The following ENPP6 variants were observed in gnomAD, a reference collection of about 807,000 sequenced individuals.
The protein encoded by ENPP6 is glycerophosphocholine cholinephosphodiesterase ENPP6.
In ENPP6, 32 loss-of-function variants were observed where a neutral mutation model predicts 42.0. The ratio of observed to expected loss-of-function variants is 0.76; its 90% CI spans 0.58 to 1.02. The LOEUF is 1.02. Among genes scored for constraint, ENPP6 ranks in the 50% least tolerant of loss-of-function variants. The pLI is 0.00. For synonymous variants in ENPP6, 213 were observed against 216.0 expected (o/e 0.99, Z 0.12); for missense variants, 552 against 566.8 (o/e 0.97, Z 0.27).
intron 1 of ENPP6, among the ~76,000 whole-genome samples, chr4:184,215,171 C>T (rs1733178133): frequency 6.6e-6 from 1 of 152,166 alleles, no homozygotes. Context: ...CTCATCACTC[C>T]TCGTTATGCA....
intron 1 of ENPP6, among the ~76,000 whole-genome samples, chr4:184,189,359 T>C (rs756316707): frequency 4.6e-5 from 7 of 152,208 alleles, no homozygotes; most frequent in Non-Finnish European, 1.0e-4. Context: ...CTGGCCTAGA[T>C]TTCTAACCCC....
intron 2 of ENPP6, among the ~76,000 whole-genome samples, chr4:184,144,007 A>G (rs1330091467): frequency 1.3e-5 from 2 of 152,218 alleles, no homozygotes; most frequent in Admixed American, 6.5e-5. Context: ...TGGATCAGAC[A>G]GCCAAGGGCC....
intron 5 of ENPP6, 24 bp from the exon 6 acceptor site, chr4:184,112,833 C>A: frequency 6.2e-7 from 1 of 1,605,696 alleles, no homozygotes; most frequent in South Asian, 1.1e-5. Flanking sequence ...CAAGAGTGAT[C>A]AGTTTGACAC....
chr4:184,107,573 G>A (rs1169825104), intron 6 of ENPP6, among the ~76,000 whole-genome samples: 7 of 152,064 alleles, frequency 4.6e-5, no homozygotes, highest in African/African-American at 1.4e-4. Flanking sequence ...TCAGGAGTTC[G>A]AGACCAGCCT....
In ENPP6 at chr4:184,113,965, C is replaced by CTTTCTTTCTTTCTTTCTTTCTTTCTT. The variant is rs1560982025; in HGVS notation, c.856-1157_856-1156insAAGAAAGAAAGAAAGAAAGAAAGAAA. Among the ~76,000 whole-genome samples, 16 of 36,472 alleles carry CTTTCTTTCTTTCTTTCTTTCTTTCTT rather than the reference C, an allele frequency of 4.4e-4. 1 individual carries two copies. Among genetic ancestry groups the CTTTCTTTCTTTCTTTCTTTCTTTCTT allele is most frequent in the Non-Finnish European group, 7.4e-4 (12 of 16,278 alleles). The allele number at this position is 36,472 out of a possible 152,430, so 23.9% of individuals were successfully genotyped here. A position where few individuals can be genotyped will look rare whatever the true frequency, so the allele number is the denominator to read the frequency against. On this transcript the variant is annotated intron_variant, in intron 5 of 7. Transcript: ENST00000296741. ...TTTCTTTCTTTCTTTCTTTCTTTCT[C>CTTTCTTTCTTTCTTTCTTTCTTTCTT]TCTTTCTTTCTTTCTTTTTGATGGA...
At chr4:184,162,881 AAT>A (rs1560997558) in intron 1 of ENPP6, among the ~76,000 whole-genome samples, 1 of 152,126 alleles carries the variant, frequency 6.6e-6, no homozygotes, top group Non-Finnish European at 1.5e-5. Context: ...GAGGGGAGCC[AAT>A]GGCATGAAGA....
intron 6 of ENPP6, among the ~76,000 whole-genome samples, chr4:184,097,702 G>T (rs540133186): frequency 2.6e-5 from 4 of 152,328 alleles, no homozygotes; most frequent in African/African-American, 9.6e-5. Flanking sequence ...AATGTATTTG[G>T]TCTTTGTCCC....
At chr4:184,212,584 A>C (rs1425835849) in intron 1 of ENPP6, among the ~76,000 whole-genome samples, 1 of 151,424 alleles carries the variant, frequency 6.6e-6, no homozygotes, top group Non-Finnish European at 1.5e-5. Flanking sequence ...TCAACGAAAT[A>C]AAAGAGGATA....
chr4:184,170,256 C>A (rs536902197), intron 1 of ENPP6, among the ~76,000 whole-genome samples: 1 of 152,204 alleles, frequency 6.6e-6, no homozygotes, highest in South Asian at 2.1e-4. Flanking sequence ...ATGGTGAAAC[C>A]CTGTCTCTAC....
At chr4:184,166,974 G>A (rs1737359700) in intron 1 of ENPP6, among the ~76,000 whole-genome samples, 1 of 152,182 alleles carries the variant, frequency 6.6e-6, no homozygotes, top group Non-Finnish European at 1.5e-5. Flanking sequence ...TCCGTGTCTT[G>A]ACCCAGGACA....
chr4:184,173,166 A>C (rs1260107846), intron 1 of ENPP6, among the ~76,000 whole-genome samples: 1 of 152,014 alleles, frequency 6.6e-6, no homozygotes, highest in Non-Finnish European at 1.5e-5. Context: ...CAGCCTCCCA[A>C]AGTGCTGGGA....
chr4:184,197,455 G>A (rs1459516313), intron 1 of ENPP6, among the ~76,000 whole-genome samples: 1 of 152,222 alleles, frequency 6.6e-6, no homozygotes. Flanking sequence ...GGTACATGGC[G>A]AGAGGGGCTG....
At chr4:184,183,153 G>T (rs776595755) in intron 1 of ENPP6, among the ~76,000 whole-genome samples, 1 of 152,208 alleles carries the variant, frequency 6.6e-6, no homozygotes, top group Non-Finnish European at 1.5e-5. Context: ...TTGCCTGCAC[G>T]ATGTGCATGC....
At chr4:184,194,923 CTTTCCT>C (rs1732771547) in intron 1 of ENPP6, among the ~76,000 whole-genome samples, 1 of 152,174 alleles carries the variant, frequency 6.6e-6, no homozygotes, top group Non-Finnish European at 1.5e-5. Context: ...ACCTAAGGAC[CTTTCCT>C]AGACCTCAGC....
chr4:184,207,534 G>A (rs1291555886), intron 1 of ENPP6, among the ~76,000 whole-genome samples: 4 of 152,132 alleles, frequency 2.6e-5, no homozygotes, highest in Admixed American at 2.6e-4. Context: ...CATTCCAAGG[G>A]CATTTAAACT....
intron 2 of ENPP6, among the ~76,000 whole-genome samples, chr4:184,129,961 T>A (rs573755306): frequency 6.6e-6 from 1 of 152,310 alleles, no homozygotes; most frequent in East Asian, 1.9e-4. Context: ...GATTCTAAAC[T>A]CCCTTCTCTG....
intron 1 of ENPP6, among the ~76,000 whole-genome samples, chr4:184,190,237 G>A (rs1579657147): frequency 6.6e-6 from 1 of 152,190 alleles, no homozygotes; most frequent in Non-Finnish European, 1.5e-5. Flanking sequence ...ATTACTCACC[G>A]ATCTGGAATT....
Position 184,091,215 on chromosome 4 carries a change from A to C in ENPP6, c.1285T>G (p.Cys429Gly). The C allele has an allele frequency of 6.3e-7, 1 of 1,598,188 alleles. No homozygotes were observed. The highest frequency in any genetic ancestry group is 8.5e-7 in the Non-Finnish European group (1 of 1,171,526). ...AAGAGAAGAATCAGTGCCAGGGCAC[A>C]GTGGCTGGGCCAGACAGGCGGGGCA... Reference protein sequence around the residue: ...STAPPVWPSHCALALILLFLL... With the variant: ...STAPPVWPSHGALALILLFLL... Residue 429 changes from cysteine (C) to glycine (G), a missense_variant, in exon 8 of 8, where the codon TGT becomes GGT. Physicochemically the swap from Cys to Gly is radical, Grantham distance 159. Around this residue, in one of 2 missense-constraint regions of ENPP6, gnomAD observed 545 missense variants for 546.3 expected, o/e 1.00. Transcript: ENST00000296741.
At chr4:184,168,550 A>C (rs150300653) in intron 1 of ENPP6, among the ~76,000 whole-genome samples, 5 of 152,250 alleles carry the variant, frequency 3.3e-5, no homozygotes, top group African/African-American at 1.2e-4. Context: ...GGCTCCGGAC[A>C]GCAAGGAGCG....
Sources: gnomAD v4.1 joint callset for allele counts (sites outside exome capture counted in the v4.1 genomes callset) on GRCh38, gnomAD v4.1.1 for gene constraint, gnomAD v4.1.1 regional missense constraint, MANE v1.5 for transcripts, NCBI Gene and HGNC (gene_info 2026-07-23, HGNC 2026-07-21) for gene names.